The following UGT2B4 variants were observed in gnomAD, a reference collection of about 807,000 sequenced individuals.
UGT2B4 encodes UDP-glucuronosyltransferase 2B4.
A neutral mutation model predicts 49.8 loss-of-function variants in UGT2B4; 49 were observed. That is an observed-to-expected ratio of 0.98 (90% CI 0.78 to 1.25). The LOEUF is 1.25. Among genes scored for constraint, UGT2B4 ranks in the 50% most tolerant of loss-of-function variants. The pLI is 0.00. For synonymous variants in UGT2B4, 246 were observed against 217.7 expected, an observed-to-expected ratio of 1.13 and a Z score of -1.14; for missense variants, 729 against 627.7, an observed-to-expected ratio of 1.16 and a Z score of -1.73.
At chr4:69,491,810 T>G (rs1577886606) in intron 2 of UGT2B4, among the ~76,000 whole-genome samples, 1 of 152,138 alleles carries the variant, frequency 6.6e-6, no homozygotes, top group Non-Finnish European at 1.5e-5. Flanking sequence ...GAATTTTCAT[T>G]AGTCTTATCT....
Position 69,489,559 on chromosome 4 carries a change from C to T in UGT2B4, c.882G>A (p.Glu294=). 1.2e-6 allele frequency: 2 copies of T among 1,607,090 alleles called. No individual in the cohort carries two copies. Among genetic ancestry groups the T allele is most frequent in the Non-Finnish European group, 1.7e-6 (2 of 1,177,166 alleles). The change falls in exon 3 of 6, where the codon GAG becomes GAA. Residue 294 remains glutamate (E), a synonymous_variant. Coordinates refer to ENST00000305107, the MANE Select transcript of UGT2B4 (RefSeq NM_021139.3). ...PAKPLPKEME[E]FVQSSGENGV... is the part of the protein sequence containing the mutation. ...CATTTTCTCCAGAGCTCTGGACAAA[C>T]TCTTCCATTTCCTGTGAAAAAAAAG...
At chr4:69,516,727 C>T (rs1728743621) in intron 1 of UGT2B4, among the ~76,000 whole-genome samples, 1 of 152,044 alleles carries the variant, frequency 6.6e-6, no homozygotes, top group Admixed American at 6.6e-5. Context: ...ATGTTTCAGT[C>T]TCTCGGAGTA....
intron 2 of UGT2B4, among the ~76,000 whole-genome samples, chr4:69,489,856 A>G (rs746494453): frequency 2.0e-5 from 3 of 152,080 alleles, no homozygotes; most frequent in Non-Finnish European, 2.9e-5. Context: ...GAGATACCCA[A>G]ACTCTTCACT....
intron 1 of UGT2B4, among the ~76,000 whole-genome samples, chr4:69,521,120 C>T (rs565406601): frequency 3.9e-5 from 6 of 152,300 alleles, no homozygotes; most frequent in East Asian, 1.9e-4. Context: ...AGAGCTATTA[C>T]GTCACTCAAT....
chr4:69,520,997 C>T (rs989150256), intron 1 of UGT2B4, among the ~76,000 whole-genome samples: 9 of 152,148 alleles, frequency 5.9e-5, no homozygotes, highest in East Asian at 1.9e-4. Flanking sequence ...ATGGACCAAT[C>T]GGCAAGCAGT....
At chr4:69,502,212 T>TTGC (rs1294316025) in intron 1 of UGT2B4, among the ~76,000 whole-genome samples, 1 of 145,846 alleles carries the variant, frequency 6.9e-6, no homozygotes, top group East Asian at 2.0e-4. Context: ...TTTATTTTTG[T>TTGC]TGTTGTTCAT....
chr4:69,496,681 T>C (rs899694116), upstream of UGT2B4, among the ~76,000 whole-genome samples: 2 of 152,208 alleles, frequency 1.3e-5, no homozygotes, highest in African/African-American at 4.8e-5. Flanking sequence ...CTACCCCTTC[T>C]TTCTGCATTT....
At chr4:69,487,509 A>G (rs1318063357) in intron 3 of UGT2B4, among the ~76,000 whole-genome samples, 3 of 152,138 alleles carry the variant, frequency 2.0e-5, no homozygotes, top group Non-Finnish European at 4.4e-5. Context: ...TCCAAATACC[A>G]CATGCCCTCA....
intron 2 of UGT2B4, among the ~76,000 whole-genome samples, chr4:69,491,216 A>T (rs558671087): frequency 2.2e-4 from 33 of 152,132 alleles, no homozygotes; most frequent in Admixed American, 2.6e-4. Flanking sequence ...TGTAATATTT[A>T]TAATTTTCTA....
At chr4:69,514,727 G>C (rs1728687872) in intron 1 of UGT2B4, among the ~76,000 whole-genome samples, 1 of 152,060 alleles carries the variant, frequency 6.6e-6, no homozygotes, top group Non-Finnish European at 1.5e-5. Context: ...TCGTGGTTTT[G>C]TCTTAATTTC....
intron 1 of UGT2B4, chr4:69,518,488 G>A (rs932766005): frequency 6.6e-6 from 1 of 152,092 alleles, no homozygotes; most frequent in African/African-American, 2.4e-5. Context: ...CCAGTTAAAA[G>A]TTAATTTTTA....
intron 1 of UGT2B4, among the ~76,000 whole-genome samples, chr4:69,525,479 T>A (rs538429885): frequency 6.6e-6 from 1 of 152,286 alleles, no homozygotes; most frequent in Admixed American, 6.5e-5. Flanking sequence ...AAAAAAAATA[T>A]GAACCATTTG....
At chr4:69,485,682 G>T (rs1471731831) in intron 4 of UGT2B4, among the ~76,000 whole-genome samples, 1 of 119,948 alleles carries the variant, frequency 8.3e-6, no homozygotes, top group Non-Finnish European at 1.8e-5. Flanking sequence ...ATTTAGATAA[G>T]GAAACATCAT....
chr4:69,491,881 A>G (rs1727997544), intron 2 of UGT2B4, among the ~76,000 whole-genome samples: 1 of 152,046 alleles, frequency 6.6e-6, no homozygotes, highest in Non-Finnish European at 1.5e-5. Context: ...TTCAACATAG[A>G]TATTGGATTT....
At chr4:69,508,866 T>A (rs9994075) in intron 1 of UGT2B4, among the ~76,000 whole-genome samples, 88,836 of 151,474 alleles carry the variant, frequency 0.59, 26,722 homozygotes, top group East Asian at 0.75. Context: ...AAGCATATAT[T>A]TTAAGTGTAA....
At chr4:69,493,866 G>C (rs1728068374) in intron 1 of UGT2B4, 25 bp from the exon 2 acceptor site, 3 of 1,579,504 alleles carry the variant, frequency 1.9e-6, no homozygotes, top group Non-Finnish European at 2.6e-6. Flanking sequence ...AAAAAGAAAA[G>C]ATAGATGACA....
upstream of UGT2B4, among the ~76,000 whole-genome samples, chr4:69,497,012 G>T (rs1316997306): frequency 1.3e-5 from 2 of 151,516 alleles, no homozygotes; most frequent in African/African-American, 4.8e-5. Flanking sequence ...ACATTAGCTT[G>T]CTCTCTGACT....
intron 1 of UGT2B4, among the ~76,000 whole-genome samples, chr4:69,524,395 G>A (rs1728921833): frequency 6.6e-6 from 1 of 151,936 alleles, no homozygotes; most frequent in Admixed American, 6.6e-5. Context: ...CTCAGGAATA[G>A]GCCAGAGGAG....
intron 1 of UGT2B4, among the ~76,000 whole-genome samples, chr4:69,504,847 A>C (rs777959799): frequency 1.8e-4 from 28 of 152,136 alleles, no homozygotes; most frequent in Non-Finnish European, 3.5e-4. Context: ...TTACAGAAAG[A>C]TAGTGAGAAA....
Sources: allele counts gnomAD v4.1 joint callset (sites outside exome capture counted in the v4.1 genomes callset), GRCh38; gene constraint gnomAD v4.1.1; transcripts MANE v1.5; gene names NCBI Gene and HGNC (gene_info 2026-07-23, HGNC 2026-07-21).